Variants in PDHX observed in about 807,000 individuals in gnomAD.
PDHX encodes pyruvate dehydrogenase protein X component, mitochondrial.
A neutral mutation model predicts 55.3 loss-of-function variants in PDHX; 33 were observed. The ratio of observed to expected loss-of-function variants is 0.60; its 90% CI spans 0.45 to 0.80. PDHX has a LOEUF of 0.80. PDHX is among the 30% of genes least tolerant of loss of function. The probability of loss-of-function intolerance (pLI) is 0.00; values close to 1 mark genes in which losing one functional copy is unlikely to be tolerated. For missense variants in PDHX, 622 were observed against 619.9 expected, an observed-to-expected ratio of 1.00 and a Z score of -0.04; for synonymous variants, 226 against 219.4, an observed-to-expected ratio of 1.03 and a Z score of -0.27.
chr11:34,982,128 G>T (rs189459652), intron 8 of PDHX, among the ~76,000 whole-genome samples: 8,155 of 152,192 alleles, frequency 0.054, 314 homozygotes, highest in African/African-American at 0.11. Context: ...GGTTTTTATG[G>T]TTTTAGGTCT....
intron 8 of PDHX, among the ~76,000 whole-genome samples, 200 bp downstream of exon 8, chr11:34,978,382 G>T (rs1445626000): frequency 5.3e-5 from 8 of 152,088 alleles, no homozygotes; most frequent in Non-Finnish European, 1.2e-4. Flanking sequence ...ATTAGAGCAG[G>T]ATGAAAACCA....
At chr11:34,951,911 C>T (rs1441548394) in intron 3 of PDHX, among the ~76,000 whole-genome samples, 1 of 152,160 alleles carries the variant, frequency 6.6e-6, no homozygotes. Context: ...CAGCTTTCTA[C>T]ATATGGCTAG....
chr11:34,946,867 T>C (rs1296054128), intron 2 of PDHX, among the ~76,000 whole-genome samples: 3 of 152,200 alleles, frequency 2.0e-5, no homozygotes, highest in Non-Finnish European at 4.4e-5. Flanking sequence ...TTGTACCTCT[T>C]TTCCCCTGTT....
At chr11:34,992,190 A>G in intron 9 of PDHX, 125 bp from the exon 10 acceptor site, 2 of 627,306 alleles carry the variant, frequency 3.2e-6, no homozygotes, top group Non-Finnish European at 2.9e-6. Context: ...TTATTTTTAT[A>G]TAGGTAACAA....
At chr11:34,922,493 C>T (rs1212119813) in intron 1 of PDHX, among the ~76,000 whole-genome samples, 1 of 152,154 alleles carries the variant, frequency 6.6e-6, no homozygotes, top group African/African-American at 2.4e-5. Context: ...CCATAGTCTA[C>T]CTCAGTATCA....
chr11:34,934,571 A>ATTTTTTTTTTTTTTTTT (rs35227178), intron 2 of PDHX, among the ~76,000 whole-genome samples: 1 of 92,414 alleles, frequency 1.1e-5, no homozygotes, highest in Non-Finnish European at 2.0e-5. Context: ...GATATTATGG[A>ATTTTTTTTTTTTTTTTT]TTTTTTTTTT....
rs114582095 is a variant in PDHX at position 34,948,759 on chromosome 11, G to A, written c.342+1153G>A. Among the ~76,000 whole-genome samples the A allele has an allele frequency of 3.1e-3, 476 of 151,780 alleles. 3 individuals are homozygous for A. Among genetic ancestry groups the A allele is most frequent in the African/African-American group, 0.011 (460 of 41,394 alleles). On this transcript the variant is annotated intron_variant, in intron 3 of 10. Coordinates refer to ENST00000227868, the MANE Select transcript of PDHX (RefSeq NM_003477.3). The stretch of plus-strand genomic sequence containing the variant: ...AAAATTTCTGTACATTTGTAACTAG[G>A]AAAATATAAATATTCATACCAAAAA...
At chr11:34,949,121 A>G (rs1489011564) in intron 3 of PDHX, among the ~76,000 whole-genome samples, 1 of 152,174 alleles carries the variant, frequency 6.6e-6, no homozygotes, top group Non-Finnish European at 1.5e-5. Context: ...TGTATATTTT[A>G]GGCCTTTGTG....
chr11:34,960,810 A>G (rs1855008996), intron 5 of PDHX, among the ~76,000 whole-genome samples: 1 of 152,242 alleles, frequency 6.6e-6, no homozygotes, highest in Non-Finnish European at 1.5e-5. Context: ...TTTATACAGT[A>G]TTAAATATGT....
intron 6 of PDHX, 109 bp from the exon 7 acceptor site, chr11:34,970,028 TAA>T: frequency 1.2e-6 from 1 of 861,084 alleles, no homozygotes; most frequent in Non-Finnish European, 1.9e-6. Context: ...CTTTAATTAA[TAA>T]GTTAGGTCAT....
intron 2 of PDHX, among the ~76,000 whole-genome samples, chr11:34,936,620 A>G (rs1854316063): frequency 6.6e-6 from 1 of 152,126 alleles, no homozygotes; most frequent in African/African-American, 2.4e-5. Flanking sequence ...AACAGCAGGT[A>G]GGTCTGGCTG....
In PDHX at chr11:34,944,179, G is replaced by T. The variant is rs111761408; in HGVS notation, c.242-3327G>T. On this transcript the variant is annotated intron_variant, in intron 2 of 10. Transcript: ENST00000227868. The stretch of plus-strand genomic sequence containing the variant: ...TTGTTGCCCAGGCTGGAGTGAAATG[G>T]CATGATCTTGACTCACTGCAACCCC... 2.6e-3 allele frequency among the ~76,000 whole-genome samples: 391 copies of T among 151,782 alleles called. 2 individuals are homozygous for T. Among genetic ancestry groups the T allele is most frequent in the African/African-American group, 9.0e-3 (371 of 41,392 alleles).
intron 2 of PDHX, among the ~76,000 whole-genome samples, chr11:34,936,783 CTTTTT>C (rs58582234): frequency 1.3e-5 from 1 of 79,014 alleles, no homozygotes; most frequent in South Asian, 5.1e-4. Flanking sequence ...CTTTTCTTTT[CTTTTT>C]TTTTTTTTTT....
intron 7 of PDHX, 79 bp downstream of exon 7, chr11:34,970,365 T>A (rs1249023847): frequency 9.5e-6 from 11 of 1,162,792 alleles, no homozygotes; most frequent in Non-Finnish European, 1.4e-5. Context: ...ATTATAAAAT[T>A]AAAAGCTACA....
intron 1 of PDHX, among the ~76,000 whole-genome samples, chr11:34,928,212 T>G (rs1462578642): frequency 6.6e-6 from 1 of 152,104 alleles, no homozygotes; most frequent in Non-Finnish European, 1.5e-5. Context: ...AGTTAGTATT[T>G]GTCGTAAATT....
chr11:34,924,654 T>G (rs1321658197), intron 1 of PDHX, among the ~76,000 whole-genome samples: 3 of 152,224 alleles, frequency 2.0e-5, no homozygotes, highest in Non-Finnish European at 2.9e-5. Context: ...GTACCTATTC[T>G]CTAAATCACT....
At chr11:34,930,202 G>A (rs1279509797) in intron 1 of PDHX, among the ~76,000 whole-genome samples, 2 of 152,184 alleles carry the variant, frequency 1.3e-5, no homozygotes, top group African/African-American at 4.8e-5. Flanking sequence ...CTTAAAATAA[G>A]GAAGAGAGTG....
intron 6 of PDHX, among the ~76,000 whole-genome samples, chr11:34,967,290 A>T (rs1855158427): frequency 6.6e-6 from 1 of 152,200 alleles, no homozygotes; most frequent in African/African-American, 2.4e-5. Flanking sequence ...AACACTCCAA[A>T]TGCTTTGTTT....
At chr11:34,987,985 G>A (rs2134001849) in intron 9 of PDHX, among the ~76,000 whole-genome samples, 1 of 152,250 alleles carries the variant, frequency 6.6e-6, no homozygotes, top group African/African-American at 2.4e-5. Flanking sequence ...TGGAATAGTA[G>A]TGCCATTTTA....
Sources: allele counts gnomAD v4.1 joint callset (sites outside exome capture counted in the v4.1 genomes callset), GRCh38; gene constraint gnomAD v4.1.1; transcripts MANE v1.5; gene names NCBI Gene and HGNC (gene_info 2026-07-23, HGNC 2026-07-21).